Variants in TSC22D1 observed in about 807,000 individuals in gnomAD.
TSC22D1 encodes the protein TSC22 domain family member 1, also known as TSC22 domain family protein 1.
TSC22D1 carries 9 observed loss-of-function variants against 74.2 expected under a neutral mutation model. That is an observed-to-expected ratio of 0.12 (90% CI 0.07 to 0.21). The LOEUF is 0.21. Among genes scored for constraint, TSC22D1 ranks in the 10% least tolerant of loss-of-function variants. The pLI, the probability that TSC22D1 is intolerant of heterozygous loss-of-function variation, is 1.00. For missense variants in TSC22D1, 1,427 were observed against 1,304.7 expected (o/e 1.09, Z -1.44); for synonymous variants, 586 against 492.5 (o/e 1.19, Z -2.51).
At position 44,434,439 on chromosome 13, in the gene TSC22D1, G is replaced by C. The variant is rs930050695; in HGVS notation, c.*187C>G. ...ATTAACCTTTAATTCACCCAACTAA[G>C]AAATTTCTCCAAGCCATAAGCATAT... On this transcript the variant is annotated 3_prime_UTR_variant, in exon 3 of 3. Coordinates refer to ENST00000458659, the MANE Select transcript of TSC22D1 (RefSeq NM_183422.4). 2 of 1,353,634 alleles carry C rather than the reference G, an allele frequency of 1.5e-6. No homozygotes were observed. The highest frequency in any genetic ancestry group is 3.7e-5 in the Admixed American group (1 of 27,384). 83.9% of individuals were successfully genotyped at this position (1,353,634 alleles called of 1,614,324 possible). A position where few individuals can be genotyped will look rare whatever the true frequency, so the allele number is the denominator to read the frequency against.
At chr13:44,499,635 C>G (rs1879133779) in intron 1 of TSC22D1, among the ~76,000 whole-genome samples, 1 of 152,102 alleles carries the variant, frequency 6.6e-6, no homozygotes, top group Non-Finnish European at 1.5e-5. Flanking sequence ...AGCATTTCCC[C>G]CAAGTTAATA....
chr13:44,455,811 C>A (rs1307638556), intron 1 of TSC22D1, among the ~76,000 whole-genome samples: 1 of 152,128 alleles, frequency 6.6e-6, no homozygotes, highest in African/African-American at 2.4e-5. Flanking sequence ...TACCTCACAC[C>A]ACTAAAGAGA....
rs142724604 is a variant in TSC22D1, at chr13:44,441,430, C to T, written c.2913-5335G>A. Among the ~76,000 whole-genome samples, 3 of 152,220 alleles carry T rather than the reference C, an allele frequency of 2.0e-5. No homozygotes were observed. In the East Asian group the frequency reaches 5.8e-4, roughly 29 times the overall value. On this transcript the variant is annotated intron_variant, in intron 1 of 2. Transcript: ENST00000458659. ...GAATGCTCATAAAATATACATGACCCATATTATTTTTTCATTTTTTTGTGG... is the reference window on the plus strand; with the variant it reads ...GAATGCTCATAAAATATACATGACCTATATTATTTTTTCATTTTTTTGTGG...
rs999440035 is a variant in TSC22D1 at position 44,511,108 on chromosome 13, C to G, written c.2912+62055G>C. On this transcript the variant is annotated intron_variant, in intron 1 of 2. Transcript: ENST00000458659. ...CCATCCTGGGCAACACGGCAAAACC[C>G]TATCTCTACAAAAAAATACAAAATA... Among the ~76,000 whole-genome samples the G allele has an allele frequency of 4.6e-5, 7 of 152,140 alleles. No homozygotes were observed. In the East Asian group the frequency reaches 1.2e-3, roughly 25 times the overall value.
intron 1 of TSC22D1, among the ~76,000 whole-genome samples, chr13:44,552,880 C>T (rs1355707764): frequency 6.6e-6 from 1 of 152,086 alleles, no homozygotes; most frequent in Non-Finnish European, 1.5e-5. Flanking sequence ...CCCATCTACT[C>T]CGGAGGCTGA....
chr13:44,523,004 T>A, intron 1 of TSC22D1, among the ~76,000 whole-genome samples: 1 of 146,146 alleles, frequency 6.8e-6, no homozygotes. Flanking sequence ...GAGCAAAAAA[T>A]CTGAGCAGAT....
intron 1 of TSC22D1, chr13:44,540,141 A>C (rs1881378518): frequency 5.9e-6 from 2 of 338,778 alleles, no homozygotes; most frequent in Admixed American, 3.8e-5. Context: ...TATTGGTCTA[A>C]GCCATAACAC....
intron 1 of TSC22D1, among the ~76,000 whole-genome samples, chr13:44,563,285 G>A (rs1349426479): frequency 5.9e-5 from 9 of 152,168 alleles, no homozygotes; most frequent in Non-Finnish European, 1.3e-4. Flanking sequence ...AGACAGGAAA[G>A]TGAATACAGT....
chr13:44,566,970 G>C (rs1883415429), intron 1 of TSC22D1, among the ~76,000 whole-genome samples: 1 of 152,116 alleles, frequency 6.6e-6, no homozygotes, highest in Admixed American at 6.5e-5. Flanking sequence ...TTAGAAGTCA[G>C]TTTAAGAAGC....
intron 1 of TSC22D1, among the ~76,000 whole-genome samples, chr13:44,505,775 A>G (rs989056545): frequency 1.3e-5 from 2 of 152,202 alleles, no homozygotes; most frequent in Admixed American, 6.5e-5. Flanking sequence ...CTTACTATGT[A>G]TAAGGCACCA....
chr13:44,442,555 A>T (rs1465786268), intron 1 of TSC22D1, among the ~76,000 whole-genome samples: 1 of 152,226 alleles, frequency 6.6e-6, no homozygotes, highest in Non-Finnish European at 1.5e-5. Flanking sequence ...GATAGGACAG[A>T]AGTAGTATTA....
chr13:44,504,800 A>C (rs1053637659), intron 1 of TSC22D1, among the ~76,000 whole-genome samples: 3 of 152,192 alleles, frequency 2.0e-5, no homozygotes, highest in African/African-American at 7.2e-5. Flanking sequence ...CATCAACAGC[A>C]AATTTTAATC....
At chr13:44,500,259 T>A (rs1485947523) in intron 1 of TSC22D1, among the ~76,000 whole-genome samples, 2 of 152,190 alleles carry the variant, frequency 1.3e-5, no homozygotes, top group Non-Finnish European at 2.9e-5. Flanking sequence ...TTTGTCATGC[T>A]GGATATATTT....
At chr13:44,455,931 G>C (rs1876570658) in intron 1 of TSC22D1, among the ~76,000 whole-genome samples, 1 of 150,364 alleles carries the variant, frequency 6.7e-6, no homozygotes, top group African/African-American at 2.4e-5. Flanking sequence ...GTTGAAACCT[G>C]AGCAAGCCGT....
At chr13:44,564,222 CTTGA>C (rs1340000046) in intron 1 of TSC22D1, among the ~76,000 whole-genome samples, 1 of 152,094 alleles carries the variant, frequency 6.6e-6, no homozygotes, top group Non-Finnish European at 1.5e-5. Context: ...AGTATATTTT[CTTGA>C]TTAAGCAGAT....
rs567130300 is a variant in TSC22D1 at position 44,436,966 on chromosome 13, T to G, written c.2913-871A>C. The G allele has an allele frequency of 2.9e-4, 297 of 1,006,840 alleles. No individual in the cohort carries two copies. In the African/African-American group the frequency reaches 4.4e-3, roughly 15 times the overall value. The allele number at this position is 1,006,840 out of a possible 1,614,324, so 62.4% of individuals were successfully genotyped here. A position where few individuals can be genotyped will look rare whatever the true frequency, so the allele number is the denominator to read the frequency against. On this transcript the variant is annotated intron_variant, in intron 1 of 2. Coordinates refer to ENST00000458659, the MANE Select transcript of TSC22D1 (RefSeq NM_183422.4). ...TCCCTTCCAGGTCCTCCCGCTTCCC[T>G]GCTTCCCCGCCTCCCCCCACCCCCA... is the stretch of plus-strand genomic sequence containing the variant.
chr13:44,495,359 A>G lies in TSC22D1; in HGVS notation c.2913-59264T>C, dbSNP rs1009788985. ...CTGACAAAACTATCTTTTAAAAATG[A>G]GAGAGAAATTAAGACATTCTCCCTA... On this transcript the variant is annotated intron_variant, in intron 1 of 2. Coordinates refer to ENST00000458659, the MANE Select transcript of TSC22D1 (RefSeq NM_183422.4). Among the ~76,000 whole-genome samples the G allele has an allele frequency of 2.0e-5, 3 of 152,072 alleles. No individual in the cohort carries two copies. The East Asian group carries it at 5.8e-4, about 29-fold the overall frequency.
intron 1 of TSC22D1, among the ~76,000 whole-genome samples, chr13:44,547,188 T>C (rs1451022205): frequency 6.6e-6 from 1 of 152,140 alleles, no homozygotes; most frequent in Non-Finnish European, 1.5e-5. Context: ...CACTGAGAAA[T>C]TAAGAAACAT....
chr13:44,443,884 G>A (rs1328277203), intron 1 of TSC22D1, among the ~76,000 whole-genome samples: 1 of 152,082 alleles, frequency 6.6e-6, no homozygotes, highest in Non-Finnish European at 1.5e-5. Flanking sequence ...AGGATAAAAT[G>A]GAATCATAGG....
Sources: gnomAD v4.1 joint callset for allele counts (sites outside exome capture counted in the v4.1 genomes callset) on GRCh38, gnomAD v4.1.1 for gene constraint, MANE v1.5 for transcripts, NCBI Gene and HGNC (gene_info 2026-07-23, HGNC 2026-07-21) for gene names.